DDAH1: variants seen among roughly 807,000 people sequenced by gnomAD.
DDAH1 encodes N(G),N(G)-dimethylarginine dimethylaminohydrolase 1.
Under a neutral mutation model 28.8 loss-of-function variants are expected in DDAH1, and 19 were observed. The observed-to-expected ratio is 0.66, with a 90% CI of 0.46 to 0.97. The LOEUF is 0.97. Ranked by LOEUF, DDAH1 falls within the 50% of genes least tolerant of loss-of-function variation. DDAH1 has a pLI of 0.00. For synonymous variants in DDAH1, 153 were observed against 154.4 expected (o/e 0.99, Z 0.07); for missense variants, 326 against 375.9 (o/e 0.87, Z 1.10).
chr1:85,321,349 G>C lies in DDAH1; in HGVS notation c.*103C>G. On this transcript the variant is annotated 3_prime_UTR_variant, in exon 6 of 6. Transcript: ENST00000284031. Reference sequence around the variant, plus strand: ...CAAATTTTGTAAACAAGAGTTAGTAGCACAGTGGCACAGTAGATTGTCAAG... The same window carrying C: ...CAAATTTTGTAAACAAGAGTTAGTACCACAGTGGCACAGTAGATTGTCAAG... 1.3e-6 allele frequency: 1 copy of C among 750,670 alleles called. No individual in the cohort carries two copies. The allele number at this position is 750,670 out of a possible 1,614,324, so 46.5% of individuals were successfully genotyped here. A position where few individuals can be genotyped will look rare whatever the true frequency, so the allele number is the denominator to read the frequency against.
chr1:85,437,379 A>T (rs951080201), intron 1 of DDAH1, among the ~76,000 whole-genome samples: 6 of 152,114 alleles, frequency 3.9e-5, no homozygotes, highest in Non-Finnish European at 8.8e-5. Flanking sequence ...GGGTCCATTT[A>T]TATGCAGATC....
chr1:85,438,834 G>A (rs1654059773), intron 1 of DDAH1, among the ~76,000 whole-genome samples: 1 of 152,148 alleles, frequency 6.6e-6, no homozygotes, highest in African/African-American at 2.4e-5. Context: ...TACTTTTGTT[G>A]AGCAGACTAG....
intron 1 of DDAH1, among the ~76,000 whole-genome samples, chr1:85,446,890 A>G (rs760683905): frequency 2.0e-5 from 3 of 152,094 alleles, no homozygotes; most frequent in Non-Finnish European, 4.4e-5. Context: ...CAGCAACAGC[A>G]TTTTACATTA....
chr1:85,394,976 T>C (rs571390571), intron 1 of DDAH1, among the ~76,000 whole-genome samples: 52 of 152,298 alleles, frequency 3.4e-4, no homozygotes, highest in African/African-American at 1.3e-3. Context: ...GCTTACTTCC[T>C]AGGTTTCACT....
intron 1 of DDAH1, among the ~76,000 whole-genome samples, chr1:85,366,944 C>G (rs537986473): frequency 6.6e-6 from 1 of 152,264 alleles, no homozygotes; most frequent in Admixed American, 6.5e-5. Context: ...AGAGAATCTA[C>G]AATGCTTTTC....
At chr1:85,414,510 T>C (rs550251963) in intron 1 of DDAH1, among the ~76,000 whole-genome samples, 22 of 152,190 alleles carry the variant, frequency 1.4e-4, no homozygotes, top group African/African-American at 5.3e-4. Flanking sequence ...GGAGACAATC[T>C]TTGCAACACA....
intron 1 of DDAH1, among the ~76,000 whole-genome samples, chr1:85,422,716 C>T (rs1340187406): frequency 6.6e-6 from 1 of 152,074 alleles, no homozygotes; most frequent in African/African-American, 2.4e-5. Context: ...ATGCCCTAAC[C>T]CCAGTGTGGT....
At chr1:85,473,486 T>TAC (rs144749348) in intron 2 of DDAH1, among the ~76,000 whole-genome samples, 17 of 151,748 alleles carry the variant, frequency 1.1e-4, no homozygotes, top group Non-Finnish European at 1.3e-4. Context: ...TATGTATGTG[T>TAC]ACACACACAC....
intron 1 of DDAH1, among the ~76,000 whole-genome samples, chr1:85,405,577 C>G (rs893099973): frequency 1.3e-5 from 2 of 152,062 alleles, no homozygotes; most frequent in African/African-American, 4.8e-5. Context: ...GGTCCATTCC[C>G]TGCTCCGCAT....
chr1:85,337,606 A>G (rs911261970), intron 4 of DDAH1, among the ~76,000 whole-genome samples: 1 of 151,968 alleles, frequency 6.6e-6, no homozygotes, highest in Admixed American at 6.6e-5. Context: ...GGCACACACC[A>G]CCATGACCAG....
chr1:85,541,487 G>A (rs1658468751), intron 1 of DDAH1, among the ~76,000 whole-genome samples: 2 of 152,152 alleles, frequency 1.3e-5, no homozygotes, highest in Admixed American at 6.5e-5. Context: ...GTACTTCTCA[G>A]GTATTGCAAC....
At chr1:85,381,429 T>C (rs1650983142) in intron 1 of DDAH1, among the ~76,000 whole-genome samples, 1 of 151,960 alleles carries the variant, frequency 6.6e-6, no homozygotes, top group Non-Finnish European at 1.5e-5. Flanking sequence ...TTCTGAGATT[T>C]TGGTGCACCT....
intron 2 of DDAH1, among the ~76,000 whole-genome samples, chr1:85,481,318 G>A (rs897444212): frequency 1.3e-5 from 2 of 151,878 alleles, no homozygotes; most frequent in Non-Finnish European, 2.9e-5. Context: ...GGCTGGTCTC[G>A]AACTCCTGGC....
At chr1:85,566,808 G>C (rs1659319153) in intron 1 of DDAH1, among the ~76,000 whole-genome samples, 1 of 152,140 alleles carries the variant, frequency 6.6e-6, no homozygotes, top group Non-Finnish European at 1.5e-5. Context: ...GTACGTGTGT[G>C]TATGTGTAGA....
At chr1:85,520,066 T>A (rs1447952008) in intron 1 of DDAH1, among the ~76,000 whole-genome samples, 3 of 152,060 alleles carry the variant, frequency 2.0e-5, no homozygotes, top group Admixed American at 6.6e-5. Context: ...ACCCAAGCAG[T>A]ACCCAATGTG....
chr1:85,437,403 G>A (rs1470304577), intron 1 of DDAH1, among the ~76,000 whole-genome samples: 51 of 152,008 alleles, frequency 3.4e-4, no homozygotes, highest in Admixed American at 3.3e-3. Flanking sequence ...TTCTGCTTCT[G>A]CCACCCCTGA....
chr1:85,325,352 C>CAT (rs1553121769), intron 4 of DDAH1, among the ~76,000 whole-genome samples: 1 of 131,046 alleles, frequency 7.6e-6, no homozygotes, highest in Non-Finnish European at 1.7e-5. Context: ...CATGCACGTG[C>CAT]GTGCGCGCGC....
At chr1:85,354,485 G>C (rs1432865831) in intron 2 of DDAH1, among the ~76,000 whole-genome samples, 3 of 151,578 alleles carry the variant, frequency 2.0e-5, no homozygotes, top group Non-Finnish European at 4.4e-5. Flanking sequence ...TTTTTATTAG[G>C]AATCTGCATT....
chr1:85,574,263 C>A (rs748776571), intron 1 of DDAH1, among the ~76,000 whole-genome samples: 1 of 152,238 alleles, frequency 6.6e-6, no homozygotes, highest in African/African-American at 2.4e-5. Flanking sequence ...ATCCTGCAGG[C>A]ACTTGAGTGT....
Sources: gnomAD v4.1 joint callset for allele counts (sites outside exome capture counted in the v4.1 genomes callset) on GRCh38, gnomAD v4.1.1 for gene constraint, MANE v1.5 for transcripts, NCBI Gene and HGNC (gene_info 2026-07-23, HGNC 2026-07-21) for gene names.